Variants in NR1H4 observed in about 807,000 individuals in gnomAD.
NR1H4 encodes the protein nuclear receptor subfamily 1 group H member 4, also known as bile acid receptor.
A neutral mutation model predicts 58.5 loss-of-function variants in NR1H4; 23 were observed. The ratio of observed to expected loss-of-function variants is 0.39; its 90% CI spans 0.28 to 0.56. NR1H4 has a LOEUF of 0.56. Ranked by LOEUF, NR1H4 falls within the 20% of genes least tolerant of loss-of-function variation. NR1H4 has a pLI of 0.58. For synonymous variants in NR1H4, 214 were observed against 198.0 expected (o/e 1.08, Z -0.68); for missense variants, 487 against 576.9 (o/e 0.84, Z 1.60).
intron 4 of NR1H4, among the ~76,000 whole-genome samples, chr12:100,526,810 A>T (rs1210651419): frequency 6.6e-6 from 1 of 152,146 alleles, no homozygotes; most frequent in African/African-American, 2.4e-5. Flanking sequence ...TCCCATTCCC[A>T]ATTCTACAAG....
At chr12:100,526,823 T>C (rs1030783330) in intron 4 of NR1H4, among the ~76,000 whole-genome samples, 10 of 152,184 alleles carry the variant, frequency 6.6e-5, no homozygotes, top group African/African-American at 1.9e-4. Context: ...TCTACAAGCA[T>C]TGCCCTTCAC....
At chr12:100,549,397 G>C (rs1157169889) in intron 9 of NR1H4, among the ~76,000 whole-genome samples, 8 of 152,030 alleles carry the variant, frequency 5.3e-5, no homozygotes, top group Non-Finnish European at 1.2e-4. Context: ...AGGGGAAAAA[G>C]AATGGCACAC....
intron 9 of NR1H4, among the ~76,000 whole-genome samples, chr12:100,560,441 C>T (rs1024521096): frequency 1.3e-5 from 2 of 152,128 alleles, no homozygotes; most frequent in African/African-American, 2.4e-5. Flanking sequence ...CTGAACCCAG[C>T]GAGACCACGA....
intron 3 of NR1H4, among the ~76,000 whole-genome samples, chr12:100,495,524 A>C (rs1307590834): frequency 4.6e-5 from 7 of 152,040 alleles, no homozygotes; most frequent in Non-Finnish European, 1.0e-4. Context: ...CGAGGTCAGG[A>C]GATCAAGATC....
At chr12:100,554,427 G>T (rs1955278302) in intron 9 of NR1H4, among the ~76,000 whole-genome samples, 1 of 129,716 alleles carries the variant, frequency 7.7e-6, no homozygotes, top group Non-Finnish European at 1.6e-5. Flanking sequence ...ACACACACCT[G>T]CTTCATTTTT....
chr12:100,535,045 T>G, intron 6 of NR1H4, 22 bp downstream of exon 6: 1 of 1,614,076 alleles, frequency 6.2e-7, no homozygotes, highest in Non-Finnish European at 8.5e-7. Context: ...CAATGGTGTC[T>G]GCCAAGACTG....
At chr12:100,487,247 G>A (rs1953511435) in intron 1 of NR1H4, among the ~76,000 whole-genome samples, 1 of 152,120 alleles carries the variant, frequency 6.6e-6, no homozygotes, top group Admixed American at 6.6e-5. Context: ...GGAAAAAAAT[G>A]ATAGAACACA....
intron 3 of NR1H4, among the ~76,000 whole-genome samples, chr12:100,506,777 G>T (rs1434124140): frequency 6.6e-6 from 1 of 152,150 alleles, no homozygotes; most frequent in Non-Finnish European, 1.5e-5. Flanking sequence ...CAAAGTGCTG[G>T]GATTACAGGC....
chr12:100,558,564 G>T (rs1297142758), intron 9 of NR1H4, among the ~76,000 whole-genome samples: 1 of 152,136 alleles, frequency 6.6e-6, no homozygotes, highest in African/African-American at 2.4e-5. Context: ...TTGCCATGTT[G>T]CCCAGGCTAG....
In NR1H4 at chr12:100,560,875, C is replaced by A. The variant is rs929219805; in HGVS notation, c.1079-1010C>A. The stretch of plus-strand genomic sequence containing the variant: ...GAGAGTGAGGAGGAGAAGCCACAGG[C>A]CTGGGTGCCTGAATCTCAGTTGTCA... On this transcript the variant is annotated intron_variant, in intron 9 of 10. Coordinates refer to ENST00000392986, the MANE Select transcript of NR1H4 (RefSeq NM_001206979.2). Among the ~76,000 whole-genome samples the A allele has an allele frequency of 8.5e-5, 13 of 152,198 alleles. No individual in the cohort carries two copies. The East Asian group carries it at 1.5e-3, about 18-fold the overall frequency.
At chr12:100,561,150 A>T (rs1415057597) in intron 9 of NR1H4, among the ~76,000 whole-genome samples, 1 of 151,740 alleles carries the variant, frequency 6.6e-6, no homozygotes, top group African/African-American at 2.4e-5. Context: ...TAATCCCAGC[A>T]CTTTGAGAGG....
chr12:100,475,715 G>C (rs906771905), intron 1 of NR1H4, among the ~76,000 whole-genome samples: 1 of 152,092 alleles, frequency 6.6e-6, no homozygotes, highest in Non-Finnish European at 1.5e-5. Flanking sequence ...CAAAAACCCT[G>C]TATGGGAGTT....
At chr12:100,498,664 C>T (rs1593054425) in intron 3 of NR1H4, among the ~76,000 whole-genome samples, 1 of 151,856 alleles carries the variant, frequency 6.6e-6, no homozygotes, top group Non-Finnish European at 1.5e-5. Context: ...AAAACAAAAA[C>T]AAACAATATG....
intron 1 of NR1H4, among the ~76,000 whole-genome samples, chr12:100,478,482 A>T (rs1593030579): frequency 2.0e-5 from 3 of 152,248 alleles, no homozygotes; most frequent in Admixed American, 2.0e-4. Context: ...ACCCTAGGAG[A>T]CTGACATATC....
At chr12:100,505,635 C>A in intron 3 of NR1H4, 1 of 701,364 alleles carries the variant, frequency 1.4e-6, no homozygotes, top group Non-Finnish European at 2.6e-6. Flanking sequence ...CGTCCCTAAA[C>A]TTCCATGGAG....
chr12:100,544,699 A>G (rs1955018800), intron 9 of NR1H4, among the ~76,000 whole-genome samples: 1 of 152,126 alleles, frequency 6.6e-6, no homozygotes, highest in Non-Finnish European at 1.5e-5. Flanking sequence ...AACGAAAAAA[A>G]TGAATGAAGG....
At chr12:100,499,787 C>A in intron 3 of NR1H4, 2 of 450,036 alleles carry the variant, frequency 4.4e-6, no homozygotes, top group Middle Eastern at 3.3e-4. Flanking sequence ...GCTAGTATTT[C>A]TTGAGTGCTT....
chr12:100,499,570 C>T (rs17030221), intron 3 of NR1H4, among the ~76,000 whole-genome samples: 2,669 of 152,226 alleles, frequency 0.018, 62 homozygotes, highest in African/African-American at 0.055. Flanking sequence ...ATTCTTTCAG[C>T]AGGGGCTTGC....
chr12:100,528,606 T>A (rs1050544335), intron 4 of NR1H4, among the ~76,000 whole-genome samples: 1 of 152,188 alleles, frequency 6.6e-6, no homozygotes, highest in African/African-American at 2.4e-5. Context: ...GATATGAGCA[T>A]TGTTGAATAT....
Sources: gnomAD v4.1 joint callset for allele counts (sites outside exome capture counted in the v4.1 genomes callset) on GRCh38, gnomAD v4.1.1 for gene constraint, MANE v1.5 for transcripts, NCBI Gene and HGNC (gene_info 2026-07-23, HGNC 2026-07-21) for gene names.